The following KCNMA1 variants were observed in gnomAD, a reference collection of about 807,000 sequenced individuals.
The protein encoded by KCNMA1 is Calcium-activated potassium channel subunit alpha-1.
KCNMA1 carries 29 observed loss-of-function variants against 140.0 expected under a neutral mutation model. The ratio of observed to expected loss-of-function variants is 0.21; its 90% CI spans 0.15 to 0.28. KCNMA1 has a LOEUF of 0.28. Ranked by LOEUF, KCNMA1 falls within the 10% of genes least tolerant of loss-of-function variation. KCNMA1 has a pLI of 1.00. For missense variants in KCNMA1, 880 were observed against 1,602.2 expected, an observed-to-expected ratio of 0.55 and a Z score of 7.70; for synonymous variants, 612 against 611.9, an observed-to-expected ratio of 1.00 and a Z score of 0.00.
chr10:77,231,077 A>T (rs1350642575), intron 3 of KCNMA1, among the ~76,000 whole-genome samples: 1 of 152,210 alleles, frequency 6.6e-6, no homozygotes, highest in Non-Finnish European at 1.5e-5. Flanking sequence ...TTTAATTGAG[A>T]AATCAGTTAT....
chr10:77,168,397 C>T (rs1170341724), intron 5 of KCNMA1, among the ~76,000 whole-genome samples: 1 of 152,148 alleles, frequency 6.6e-6, no homozygotes, highest in Non-Finnish European at 1.5e-5. Context: ...GAGCAAACAT[C>T]ATAAAGTACA....
chr10:77,546,421 C>T (rs2061475574), intron 1 of KCNMA1, among the ~76,000 whole-genome samples: 1 of 150,572 alleles, frequency 6.6e-6, no homozygotes, highest in Non-Finnish European at 1.5e-5. Context: ...CCACCCAGCA[C>T]AGATATAGGG....
At chr10:77,497,474 C>G (rs1027622340) in intron 1 of KCNMA1, among the ~76,000 whole-genome samples, 2 of 152,208 alleles carry the variant, frequency 1.3e-5, no homozygotes, top group African/African-American at 4.8e-5. Context: ...CACCTCGTGA[C>G]AAAGAACCAA....
Position 77,239,355 on chromosome 10 carries a change from G to C in KCNMA1, c.602+11840C>G, listed in dbSNP as rs765609469. Among the ~76,000 whole-genome samples the C allele has an allele frequency of 2.4e-4, 37 of 152,186 alleles. 1 individual carries two copies. The highest frequency in any genetic ancestry group is 7.2e-4 in the Admixed American group (11 of 15,274). On this transcript the variant is annotated intron_variant, in intron 3 of 27. Coordinates refer to ENST00000286628, the MANE Select transcript of KCNMA1 (RefSeq NM_001161352.2). ...AATTGTATCTCAAACTGGGCCATGG[G>C]TTCATTTTCTGCATTTTCTGGCATG... is the stretch of plus-strand genomic sequence containing the variant.
intron 5 of KCNMA1, among the ~76,000 whole-genome samples, chr10:77,123,229 A>G (rs2097663669): frequency 6.7e-6 from 1 of 149,118 alleles, no homozygotes; most frequent in African/African-American, 2.5e-5. Flanking sequence ...TTAAACAGCA[A>G]TTGGGCAATT....
chr10:76,931,412 A>G (rs1427485567), intron 23 of KCNMA1, among the ~76,000 whole-genome samples: 3 of 152,008 alleles, frequency 2.0e-5, no homozygotes, highest in Admixed American at 2.0e-4. Flanking sequence ...GTCACAGAGA[A>G]GATTCATTAT....
chr10:77,186,561 C>T (rs1369520843), intron 3 of KCNMA1, among the ~76,000 whole-genome samples: 3 of 152,046 alleles, frequency 2.0e-5, no homozygotes, highest in East Asian at 1.9e-4. Flanking sequence ...AAGGAAAATC[C>T]AGGCTACAGT....
At chr10:77,213,393 G>T (rs2046729567) in intron 3 of KCNMA1, among the ~76,000 whole-genome samples, 1 of 152,126 alleles carries the variant, frequency 6.6e-6, no homozygotes, top group Admixed American at 6.5e-5. Context: ...CATGAGGGCA[G>T]GAGCACTCAC....
intron 2 of KCNMA1, among the ~76,000 whole-genome samples, chr10:77,308,233 T>C (rs1261884174): frequency 6.6e-6 from 1 of 152,140 alleles, no homozygotes; most frequent in Non-Finnish European, 1.5e-5. Context: ...CTAGCCAAGA[T>C]GGCTGTCACT....
intron 1 of KCNMA1, among the ~76,000 whole-genome samples, chr10:77,414,153 A>C (rs1204481657): frequency 2.0e-5 from 3 of 152,150 alleles, no homozygotes; most frequent in Admixed American, 1.3e-4. Flanking sequence ...AGCCATGTAA[A>C]CACTCCCCAA....
chr10:77,221,423 G>A (rs1037117543), intron 3 of KCNMA1, among the ~76,000 whole-genome samples: 2 of 151,836 alleles, frequency 1.3e-5, no homozygotes, highest in Non-Finnish European at 2.9e-5. Context: ...TTGTGGGGGT[G>A]GGTGCAAAAA....
intron 2 of KCNMA1, among the ~76,000 whole-genome samples, chr10:77,373,326 C>T (rs960697866): frequency 6.6e-6 from 1 of 152,078 alleles, no homozygotes; most frequent in Non-Finnish European, 1.5e-5. Context: ...TGAGCAAGTC[C>T]CTCCCTCCCC....
At chr10:77,220,746 A>G (rs2049343179) in intron 3 of KCNMA1, among the ~76,000 whole-genome samples, 1 of 149,482 alleles carries the variant, frequency 6.7e-6, no homozygotes, top group South Asian at 2.1e-4. Context: ...CCCCTTAGCC[A>G]TATATTCCAG....
rs146711060 is a variant in KCNMA1, at chr10:77,201,077, T to A, written c.603-16161A>T. Among the ~76,000 whole-genome samples, 20 of 152,226 alleles carry A rather than the reference T, an allele frequency of 1.3e-4. No individual in the cohort carries two copies. The East Asian group carries it at 3.5e-3, about 27-fold the overall frequency. ...CAGAGGGCTGCCTGAAAGTATGAAT[T>A]CTGGGGTGTGCAGGGGGTAGGGGGT... is the stretch of plus-strand genomic sequence containing the variant. On this transcript the variant is annotated intron_variant, in intron 3 of 27. Transcript: ENST00000286628.
intron 17 of KCNMA1, chr10:77,012,536 A>T: frequency 1.3e-6 from 2 of 1,550,158 alleles, no homozygotes; most frequent in Non-Finnish European, 1.7e-6. Context: ...GGGCAGCCAA[A>T]GGGAGACAGA....
Position 77,161,122 on chromosome 10 carries a change from C to T in KCNMA1, c.808+22299G>A, listed in dbSNP as rs570279053. Among the ~76,000 whole-genome samples the T allele has an allele frequency of 1.4e-4, 21 of 152,278 alleles. No homozygotes were observed. The South Asian group carries it at 4.3e-3, about 32-fold the overall frequency. ...TCCATGGTCCTTGACCACATGACAG[C>T]CTTCAAGGACAGATGTGGGATAAGG... On this transcript the variant is annotated intron_variant, in intron 5 of 27. Transcript: ENST00000286628.
chr10:77,219,010 A>AT (rs1278667396), intron 3 of KCNMA1, among the ~76,000 whole-genome samples: 2 of 152,070 alleles, frequency 1.3e-5, no homozygotes, highest in African/African-American at 2.4e-5. Flanking sequence ...TATTTAATAA[A>AT]TTTTTTAGAG....
At chr10:77,003,908 G>A (rs1392920395) in intron 18 of KCNMA1, among the ~76,000 whole-genome samples, 1 of 152,164 alleles carries the variant, frequency 6.6e-6, no homozygotes, top group Non-Finnish European at 1.5e-5. Context: ...GAGTTCAGGA[G>A]GAAACACAGT....
intron 5 of KCNMA1, among the ~76,000 whole-genome samples, chr10:77,171,424 T>C (rs2098707324): frequency 6.8e-6 from 1 of 146,580 alleles, no homozygotes; most frequent in Admixed American, 6.7e-5. Context: ...TGTGTGTGTG[T>C]GTGTGTGTGT....
Sources: allele counts gnomAD v4.1 joint callset (sites outside exome capture counted in the v4.1 genomes callset), GRCh38; gene constraint gnomAD v4.1.1; transcripts MANE v1.5; gene names NCBI Gene and HGNC (gene_info 2026-07-23, HGNC 2026-07-21).